The following CEP95 variants were observed in gnomAD, a reference collection of about 807,000 sequenced individuals.
The protein encoded by CEP95 is centrosomal protein 95, also known as centrosomal protein of 95 kDa.
A neutral mutation model predicts 111.2 loss-of-function variants in CEP95; 98 were observed. That is an observed-to-expected ratio of 0.88 (90% CI 0.75 to 1.04). CEP95 has a LOEUF of 1.04. CEP95 is among the 50% of genes least tolerant of loss of function. The pLI, the probability that CEP95 is intolerant of heterozygous loss-of-function variation, is 0.00. For missense variants in CEP95, 1,027 were observed against 977.2 expected, an observed-to-expected ratio of 1.05 and a Z score of -0.68; for synonymous variants, 323 against 327.1, an observed-to-expected ratio of 0.99 and a Z score of 0.14.
In CEP95 at chr17:64,510,110, G is replaced by A; in HGVS notation, c.149-63G>A. The A allele has an allele frequency of 3.5e-6, 3 of 852,098 alleles. No homozygotes were observed. The South Asian group carries it at 4.3e-5, about 12-fold the overall frequency. The allele number at this position is 852,098 out of a possible 1,614,324, so 52.8% of individuals were successfully genotyped here. On this transcript the variant is annotated intron_variant, in intron 2 of 19. Coordinates refer to ENST00000556440, the MANE Select transcript of CEP95 (RefSeq NM_138363.3). Reference sequence around the variant, plus strand: ...GAGCATATTCAGTAGCCTAGTCAGAGACAATGAGATGAAAACTTGGCCTCT... The same window carrying A: ...GAGCATATTCAGTAGCCTAGTCAGAAACAATGAGATGAAAACTTGGCCTCT...
At chr17:64,527,617 ATTGTT>A (rs781834925) in intron 11 of CEP95, among the ~76,000 whole-genome samples, 17 of 152,022 alleles carry the variant, frequency 1.1e-4, no homozygotes, top group Non-Finnish European at 2.5e-4. Context: ...TAAACATAGT[ATTGTT>A]TTATGTTGTT....
intron 14 of CEP95, chr17:64,532,396 AAT>A: frequency 1.0e-6 from 1 of 985,424 alleles, no homozygotes; most frequent in Non-Finnish European, 1.2e-6. Flanking sequence ...TGACAGTGCC[AAT>A]GAGTGTAGAG....
intron 1 of CEP95, chr17:64,508,327 C>T: frequency 1.0e-6 from 1 of 1,001,928 alleles, no homozygotes; most frequent in Non-Finnish European, 1.2e-6. Flanking sequence ...AGATTTTAGG[C>T]TGCAACAGTA....
Position 64,507,061 on chromosome 17 carries a change from G to T in CEP95, c.-37G>T. On this transcript the variant is annotated 5_prime_UTR_variant, in exon 1 of 20. Coordinates refer to ENST00000556440, the MANE Select transcript of CEP95 (RefSeq NM_138363.3). ...CTTCCAGGACACCGTCGCCTTCCCG[G>T]CCGCGTCGGAGTCCGGCGGCGACCT... The T allele has an allele frequency of 6.4e-7, 1 of 1,550,716 alleles. No homozygotes were observed. Among genetic ancestry groups the T allele is most frequent in the African/African-American group, 1.4e-5 (1 of 73,162 alleles).
chr17:64,508,051 C>T (rs1014798206), intron 1 of CEP95: 2 of 985,278 alleles, frequency 2.0e-6, no homozygotes, highest in Non-Finnish European at 1.2e-6. Context: ...CTAACAAATG[C>T]ATTACCGTTG....
At chr17:64,507,159 G>T in intron 1 of CEP95, 43 bp downstream of exon 1, 1 of 1,551,222 alleles carries the variant, frequency 6.4e-7, no homozygotes, top group Non-Finnish European at 8.7e-7. Flanking sequence ...GACTGAAACC[G>T]TCCACCTCCA....
intron 6 of CEP95, 44 bp downstream of exon 6, chr17:64,519,480 A>G (rs1555677198): frequency 7.2e-7 from 1 of 1,391,640 alleles, no homozygotes. Context: ...TCAACATACA[A>G]CTATAAAAAT....
In CEP95 at chr17:64,526,193, T is replaced by C; in HGVS notation, c.1145T>C (p.Leu382Pro). 6.2e-7 allele frequency: 1 copy of C among 1,609,926 alleles called. No homozygotes were observed. The highest frequency in any genetic ancestry group is 1.1e-5 in the South Asian group (1 of 89,852). ...AAACTCTCTCAGCGGCTTTCTGAAC[T>C]AGATTGGGCAAGTCTTGTTTTTTCA... is the stretch of plus-strand genomic sequence containing the variant. ...SEKLSQRLSE[L>P]DWMLKSALGD... The change falls in exon 10 of 20, where the codon CTA (leucine) becomes CCA (proline). Residue 382 changes from leucine (L) to proline (P), a missense_variant. Transcript: ENST00000556440.
At chr17:64,506,882 C>G (rs2038559749), upstream of CEP95, 1 of 646,596 alleles carries the variant, frequency 1.5e-6, no homozygotes, top group East Asian at 2.7e-5. Flanking sequence ...ACTTCCCAAA[C>G]CGCCCCCGTT....
At chr17:64,521,609 T>A (rs1280078693) in intron 7 of CEP95, 82 bp downstream of exon 7, 8 of 1,274,760 alleles carry the variant, frequency 6.3e-6, no homozygotes, top group Non-Finnish European at 7.6e-6. Context: ...TTTTTACTTT[T>A]ATTGCTGTAT....
At position 64,527,852 on chromosome 17, in the gene CEP95, A is replaced by ATGTGTG. The variant is rs377056119; in HGVS notation, c.1306+602_1306+607dup. ...CTGAGTTCTTGCAGTGTGCCACTTA[A>ATGTGTG]TGTGTGTGTGTGTGTGTGTATATAT... On this transcript the variant is annotated intron_variant, in intron 11 of 19. Coordinates refer to ENST00000556440, the MANE Select transcript of CEP95 (RefSeq NM_138363.3). Among the ~76,000 whole-genome samples, 2 of 133,188 alleles carry ATGTGTG rather than the reference A, an allele frequency of 1.5e-5. 1 individual carries two copies. Among genetic ancestry groups the ATGTGTG allele is most frequent in the Non-Finnish European group, 3.1e-5 (2 of 64,926 alleles). The allele number at this position is 133,188 out of a possible 152,430, so 87.4% of individuals were successfully genotyped here. A position where few individuals can be genotyped will look rare whatever the true frequency, so the allele number is the denominator to read the frequency against.
chr17:64,511,255 C>T (rs1406279740), intron 3 of CEP95, among the ~76,000 whole-genome samples: 2 of 152,080 alleles, frequency 1.3e-5, no homozygotes, highest in African/African-American at 4.8e-5. Flanking sequence ...ACCTGTCTGA[C>T]CAAAATTTAT....
intron 1 of CEP95, chr17:64,507,478 C>T (rs781885034): frequency 3.7e-5 from 46 of 1,252,624 alleles, no homozygotes; most frequent in Non-Finnish European, 4.4e-5. Context: ...GAGGTCGTAC[C>T]TGCTTTTGTA....
intron 11 of CEP95, among the ~76,000 whole-genome samples, chr17:64,527,670 GC>G (rs1555679399): frequency 6.6e-6 from 1 of 151,952 alleles, no homozygotes; most frequent in East Asian, 1.9e-4. Flanking sequence ...TCTGCAACTT[GC>G]GTTTTTTTCT....
At chr17:64,526,026 T>C in intron 9 of CEP95, 45 bp from the exon 10 acceptor site, 2 of 1,588,352 alleles carry the variant, frequency 1.3e-6, no homozygotes, top group Non-Finnish European at 1.7e-6. Flanking sequence ...AACTAAATAA[T>C]AGACACCTAG....
intron 11 of CEP95, among the ~76,000 whole-genome samples, chr17:64,527,667 C>T (rs974656610): frequency 6.6e-6 from 1 of 151,998 alleles, no homozygotes; most frequent in Non-Finnish European, 1.5e-5. Flanking sequence ...TATTCTGCAA[C>T]TTGCGTTTTT....
rs181284647 is a variant in CEP95, at chr17:64,511,884, T to C, written c.256+1604T>C. 9.0e-3 allele frequency among the ~76,000 whole-genome samples: 1,379 copies of C among 152,380 alleles called. 17 individuals carry two copies. The highest frequency in any genetic ancestry group is 0.032 in the African/African-American group (1,322 of 41,588). On this transcript the variant is annotated intron_variant, in intron 3 of 19. Coordinates refer to ENST00000556440, the MANE Select transcript of CEP95 (RefSeq NM_138363.3). ...CTTCACAATCCACGTTCTTCTGCCA[T>C]GGCTTCAGCCGGTCCCTCTGTTTGG...
intron 5 of CEP95, among the ~76,000 whole-genome samples, chr17:64,517,488 T>G (rs1430456933): frequency 6.6e-6 from 1 of 152,124 alleles, no homozygotes. Flanking sequence ...TTTTACTATT[T>G]TTTTCTTTTT....
At chr17:64,524,887 C>G (rs989321454) in intron 8 of CEP95, among the ~76,000 whole-genome samples, 1 of 151,898 alleles carries the variant, frequency 6.6e-6, no homozygotes, top group East Asian at 1.9e-4. Context: ...AGGAGAATTG[C>G]TTGAACCCAG....
Sources: allele counts gnomAD v4.1 joint callset (sites outside exome capture counted in the v4.1 genomes callset), GRCh38; gene constraint gnomAD v4.1.1; transcripts MANE v1.5; gene names NCBI Gene and HGNC (gene_info 2026-07-23, HGNC 2026-07-21).